Variants in GPC5 observed in about 807,000 individuals in gnomAD.
The protein encoded by GPC5 is glypican-5.
A neutral mutation model predicts 53.9 loss-of-function variants in GPC5; 47 were observed. That is an observed-to-expected ratio of 0.87 (90% confidence interval 0.69 to 1.11). The LOEUF (loss-of-function observed/expected upper bound fraction) is 1.11, where lower values mean the gene tolerates loss of function less well. Ranked by LOEUF, GPC5 falls within the 50% of genes most tolerant of loss-of-function variation. The probability of loss-of-function intolerance (pLI) is 0.00; values close to 1 mark genes in which losing one functional copy is unlikely to be tolerated. For synonymous variants in GPC5, 286 were observed against 263.3 expected (o/e 1.09, Z -0.84); for missense variants, 748 against 713.1 (o/e 1.05, Z -0.56).
chr13:92,323,609 C>G (rs17430948), intron 7 of GPC5, among the ~76,000 whole-genome samples: 12,589 of 151,552 alleles, frequency 0.083, 663 homozygotes, highest in Middle Eastern at 0.14. Context: ...TAGTGGATCT[C>G]TAATCTGTCT....
chr13:91,852,463 A>G (rs1479561361), intron 5 of GPC5, among the ~76,000 whole-genome samples: 2 of 152,012 alleles, frequency 1.3e-5, no homozygotes, highest in East Asian at 3.9e-4. Context: ...TTTTTTAGAA[A>G]TATGTCCATG....
intron 1 of GPC5, among the ~76,000 whole-genome samples, chr13:91,431,914 A>G (rs1221098748): frequency 6.6e-6 from 1 of 152,202 alleles, no homozygotes; most frequent in African/African-American, 2.4e-5. Context: ...GTGTGTATAG[A>G]TCAGTTGAAG....
chr13:91,739,199 G>T (rs1405294247), intron 4 of GPC5, among the ~76,000 whole-genome samples: 1 of 151,344 alleles, frequency 6.6e-6, no homozygotes, highest in Non-Finnish European at 1.5e-5. Flanking sequence ...TAAGTGGTAT[G>T]GAAAGTGTAG....
chr13:91,935,214 T>C (rs1051150316), intron 6 of GPC5, among the ~76,000 whole-genome samples: 2 of 151,994 alleles, frequency 1.3e-5, no homozygotes, highest in Admixed American at 6.6e-5. Flanking sequence ...CTCATCTGAA[T>C]TGCTAATCAT....
chr13:91,688,506 T>G (rs565002760), intron 2 of GPC5, among the ~76,000 whole-genome samples: 1 of 152,272 alleles, frequency 6.6e-6, no homozygotes, highest in South Asian at 2.1e-4. Flanking sequence ...TCCCCCAATT[T>G]TTTGATATTG....
chr13:91,691,316 A>T (rs975561070), intron 2 of GPC5, among the ~76,000 whole-genome samples: 2 of 152,134 alleles, frequency 1.3e-5, no homozygotes, highest in African/African-American at 4.8e-5. Context: ...ACCAAGACGA[A>T]CCTACTGAGT....
chr13:91,577,800 G>A (rs897454594), intron 2 of GPC5, among the ~76,000 whole-genome samples: 2 of 152,166 alleles, frequency 1.3e-5, no homozygotes, highest in Admixed American at 6.6e-5. Flanking sequence ...ATAGTCTCCT[G>A]ACACCTCTTA....
At chr13:92,048,669 G>C (rs1198374860) in intron 6 of GPC5, among the ~76,000 whole-genome samples, 1 of 152,164 alleles carries the variant, frequency 6.6e-6, no homozygotes, top group Admixed American at 6.5e-5. Flanking sequence ...GAACTTTCCA[G>C]TGTTGACTCT....
At chr13:91,608,255 C>T (rs904386782) in intron 2 of GPC5, among the ~76,000 whole-genome samples, 5 of 151,942 alleles carry the variant, frequency 3.3e-5, no homozygotes, top group Non-Finnish European at 7.4e-5. Context: ...ATTGTTATAA[C>T]AATATAGTAA....
At chr13:92,275,841 TG>T (rs2139161353) in intron 7 of GPC5, among the ~76,000 whole-genome samples, 1 of 152,280 alleles carries the variant, frequency 6.6e-6, no homozygotes, top group South Asian at 2.1e-4. Context: ...CATCAAATTC[TG>T]GAATATCATG....
At chr13:92,056,014 A>G (rs1440470311) in intron 6 of GPC5, among the ~76,000 whole-genome samples, 1 of 152,210 alleles carries the variant, frequency 6.6e-6, no homozygotes, top group Non-Finnish European at 1.5e-5. Flanking sequence ...ATTAAAAATA[A>G]TCATAAACTT....
chr13:92,051,644 AGT>A (rs1272286578), intron 6 of GPC5, among the ~76,000 whole-genome samples: 2 of 152,198 alleles, frequency 1.3e-5, no homozygotes, highest in African/African-American at 4.8e-5. Context: ...TTTTGACCTT[AGT>A]GGCTTCAGCT....
chr13:92,481,587 G>A (rs61973641), intron 7 of GPC5, among the ~76,000 whole-genome samples: 3,753 of 152,222 alleles, frequency 0.025, 67 homozygotes, highest in Middle Eastern at 0.071. Context: ...TCCCGTTCCA[G>A]AATTAGGCTG....
chr13:92,321,011 AT>A (rs533653990), intron 7 of GPC5, among the ~76,000 whole-genome samples: 2 of 151,376 alleles, frequency 1.3e-5, no homozygotes, highest in Non-Finnish European at 2.9e-5. Flanking sequence ...ATTACTGCAG[AT>A]TTTTTTTTCT....
At chr13:91,651,525 G>A (rs2034709891) in intron 2 of GPC5, among the ~76,000 whole-genome samples, 1 of 152,046 alleles carries the variant, frequency 6.6e-6, no homozygotes, top group African/African-American at 2.4e-5. Flanking sequence ...TTCAAGACCT[G>A]CCTGACCAAC....
intron 5 of GPC5, among the ~76,000 whole-genome samples, chr13:91,874,245 T>C (rs1396015041): frequency 6.6e-6 from 1 of 152,174 alleles, no homozygotes; most frequent in Non-Finnish European, 1.5e-5. Context: ...CGATTAATTT[T>C]ATAGTCACCC....
intron 6 of GPC5, among the ~76,000 whole-genome samples, chr13:92,125,077 C>T (rs2041684064): frequency 6.6e-6 from 1 of 152,184 alleles, no homozygotes; most frequent in Non-Finnish European, 1.5e-5. Flanking sequence ...CTCTCGCTTG[C>T]TTGCTTTGAT....
intron 7 of GPC5, among the ~76,000 whole-genome samples, chr13:92,360,145 G>T (rs894942449): frequency 6.6e-6 from 1 of 151,612 alleles, no homozygotes; most frequent in Non-Finnish European, 1.5e-5. Flanking sequence ...CAAAGAATTT[G>T]TCATGAATTA....
intron 2 of GPC5, among the ~76,000 whole-genome samples, chr13:91,617,078 G>A (rs1403217156): frequency 6.6e-6 from 1 of 152,094 alleles, no homozygotes; most frequent in Non-Finnish European, 1.5e-5. Flanking sequence ...AGTATTGGCT[G>A]GTTATTGATT....
Sources: gnomAD v4.1 joint callset for allele counts (sites outside exome capture counted in the v4.1 genomes callset) on GRCh38, gnomAD v4.1.1 for gene constraint, MANE v1.5 for transcripts, NCBI Gene and HGNC (gene_info 2026-07-23, HGNC 2026-07-21) for gene names.